The following TBC1D5 variants were observed in gnomAD, a reference collection of about 807,000 sequenced individuals.
TBC1D5 encodes the protein TBC1 domain family, member 5.
Under a neutral mutation model 100.3 loss-of-function variants are expected in TBC1D5, and 75 were observed. That is an observed-to-expected ratio of 0.75 (90% confidence interval 0.62 to 0.91). The LOEUF is 0.91. TBC1D5 is among the 40% of genes least tolerant of loss of function. The pLI is 0.00. For missense variants in TBC1D5, 910 were observed against 942.4 expected (o/e 0.97, Z 0.45); for synonymous variants, 323 against 325.6 (o/e 0.99, Z 0.09).
chr3:17,475,489 A>T (rs1019096526), intron 3 of TBC1D5, among the ~76,000 whole-genome samples: 1 of 152,076 alleles, frequency 6.6e-6, no homozygotes, highest in Non-Finnish European at 1.5e-5. Flanking sequence ...TCAGTTGCCC[A>T]ATGCCAAAAA....
At chr3:17,462,152 T>A (rs1373980870) in intron 3 of TBC1D5, among the ~76,000 whole-genome samples, 1 of 152,120 alleles carries the variant, frequency 6.6e-6, no homozygotes, top group Non-Finnish European at 1.5e-5. Context: ...AGAAAAATGT[T>A]ACACTTATTT....
intron 2 of TBC1D5, among the ~76,000 whole-genome samples, chr3:17,593,210 C>T (rs1437096269): frequency 6.6e-6 from 1 of 152,140 alleles, no homozygotes; most frequent in Admixed American, 6.5e-5. Flanking sequence ...GTGACCTCAG[C>T]AGAGGAGGAT....
chr3:17,490,322 A>G (rs995906167), intron 3 of TBC1D5, among the ~76,000 whole-genome samples: 3 of 152,146 alleles, frequency 2.0e-5, no homozygotes, highest in Non-Finnish European at 2.9e-5. Flanking sequence ...TCTGCTGTGC[A>G]GAAGCTCTTT....
At chr3:17,272,430 C>T (rs1267275649) in intron 15 of TBC1D5, among the ~76,000 whole-genome samples, 1 of 152,038 alleles carries the variant, frequency 6.6e-6, no homozygotes, top group East Asian at 1.9e-4. Context: ...CTTAAATATG[C>T]CACAAATGAA....
At chr3:17,282,210 C>T (rs17043281) in intron 15 of TBC1D5, among the ~76,000 whole-genome samples, 1,979 of 152,228 alleles carry the variant, frequency 0.013, 35 homozygotes, top group African/African-American at 0.045. Context: ...AATAGCAAGT[C>T]GGCGGTAAAG....
intron 12 of TBC1D5, 105 bp from the exon 13 acceptor site, chr3:17,372,352 G>A: frequency 2.9e-6 from 3 of 1,020,362 alleles, no homozygotes. Context: ...CTTATTATCT[G>A]CCTACTACTC....
At chr3:17,542,422 T>C (rs183074836) in intron 2 of TBC1D5, among the ~76,000 whole-genome samples, 4 of 152,354 alleles carry the variant, frequency 2.6e-5, no homozygotes, top group Admixed American at 2.0e-4. Context: ...CTGGCTATGT[T>C]GTCCAGGCTG....
At chr3:17,665,689 G>T (rs1476484667) in intron 1 of TBC1D5, among the ~76,000 whole-genome samples, 1 of 152,094 alleles carries the variant, frequency 6.6e-6, no homozygotes, top group Non-Finnish European at 1.5e-5. Context: ...CTGTATGATT[G>T]GTTCTTTGTT....
intron 4 of TBC1D5, among the ~76,000 whole-genome samples, chr3:17,417,882 AT>A (rs35742571): frequency 1.3e-5 from 2 of 151,156 alleles, no homozygotes; most frequent in South Asian, 4.2e-4. Context: ...ATTTAGAAGT[AT>A]TTTTTTTTAA....
At chr3:17,233,138 T>G (rs1218686599) in intron 17 of TBC1D5, among the ~76,000 whole-genome samples, 4 of 152,172 alleles carry the variant, frequency 2.6e-5, no homozygotes, top group African/African-American at 4.8e-5. Flanking sequence ...TTAAACATTC[T>G]TTTTTTAAAA....
chr3:17,450,138 G>C (rs762423727), intron 3 of TBC1D5, among the ~76,000 whole-genome samples: 1 of 152,118 alleles, frequency 6.6e-6, no homozygotes, highest in Non-Finnish European at 1.5e-5. Context: ...TGCAGAAGAG[G>C]GGCCTGACTG....
At chr3:17,672,378 T>C (rs948200707) in intron 1 of TBC1D5, among the ~76,000 whole-genome samples, 5 of 152,202 alleles carry the variant, frequency 3.3e-5, no homozygotes, top group African/African-American at 9.6e-5. Flanking sequence ...GAAAGAATTA[T>C]ATACCTGGGC....
chr3:17,372,419 G>A (rs562537967), intron 12 of TBC1D5, among the ~76,000 whole-genome samples, 172 bp from the exon 13 acceptor site: 66 of 152,126 alleles, frequency 4.3e-4, no homozygotes, highest in African/African-American at 1.6e-3. Context: ...GATGAAAAAG[G>A]GATTCACTAG....
At chr3:17,553,418 T>A (rs1230434766) in intron 2 of TBC1D5, among the ~76,000 whole-genome samples, 1 of 152,126 alleles carries the variant, frequency 6.6e-6, no homozygotes, top group Non-Finnish European at 1.5e-5. Context: ...TAGGAAATGG[T>A]ACAACACCAA....
intron 18 of TBC1D5, among the ~76,000 whole-genome samples, chr3:17,204,369 T>C (rs759039685): frequency 1.3e-5 from 2 of 152,206 alleles, no homozygotes; most frequent in Admixed American, 1.3e-4. Flanking sequence ...TGAAAGAATA[T>C]ACAAATGTCA....
intron 2 of TBC1D5, among the ~76,000 whole-genome samples, chr3:17,615,272 T>C (rs370609964): frequency 2.7e-4 from 41 of 152,356 alleles, no homozygotes; most frequent in African/African-American, 9.1e-4. Flanking sequence ...GATATGCTGC[T>C]GGATTCAGTT....
chr3:17,341,549 A>G (rs1401717952), intron 13 of TBC1D5, among the ~76,000 whole-genome samples: 1 of 152,306 alleles, frequency 6.6e-6, no homozygotes, highest in African/African-American at 2.4e-5. Flanking sequence ...GAGAAACTGC[A>G]GCCTGGAGAT....
chr3:17,509,473 C>G (rs2095878247), intron 2 of TBC1D5, among the ~76,000 whole-genome samples: 1 of 151,882 alleles, frequency 6.6e-6, no homozygotes, highest in South Asian at 2.1e-4. Context: ...TTCATTTCTC[C>G]TTGATTCTCA....
chr3:17,538,725 G>A (rs975719518), intron 2 of TBC1D5, among the ~76,000 whole-genome samples: 1 of 152,100 alleles, frequency 6.6e-6, no homozygotes, highest in Non-Finnish European at 1.5e-5. Flanking sequence ...TTGGCAACTT[G>A]TCAACAGAGT....
Sources: allele counts gnomAD v4.1 joint callset (sites outside exome capture counted in the v4.1 genomes callset), GRCh38; gene constraint gnomAD v4.1.1; transcripts MANE v1.5; gene names NCBI Gene and HGNC (gene_info 2026-07-23, HGNC 2026-07-21).